Variants in GNPTAB observed in about 807,000 individuals in gnomAD.
The protein encoded by GNPTAB is N-acetylglucosamine-1-phosphate transferase subunits alpha and beta.
Under a neutral mutation model 136.6 loss-of-function variants are expected in GNPTAB, and 92 were observed. The observed-to-expected ratio is 0.67, with a 90% CI of 0.57 to 0.80. The LOEUF (loss-of-function observed/expected upper bound fraction) is 0.80, where lower values mean the gene tolerates loss of function less well. Ranked by LOEUF, GNPTAB falls within the 30% of genes least tolerant of loss-of-function variation. The pLI, the probability that GNPTAB is intolerant of heterozygous loss-of-function variation, is 0.00. For missense variants in GNPTAB, 1,343 were observed against 1,501.8 expected (o/e 0.89, Z 1.75); for synonymous variants, 512 against 535.1 (o/e 0.96, Z 0.60).
intron 9 of GNPTAB, 88 bp from the exon 10 acceptor site, chr12:101,770,279 G>A: frequency 6.9e-7 from 1 of 1,446,390 alleles, no homozygotes; most frequent in Non-Finnish European, 9.7e-7. Context: ...GGAAGGCAAT[G>A]AAGAGCTAGA....
rs555100867 is a variant in GNPTAB, at chr12:101,781,653, T to A, written c.572-1032A>T. Among the ~76,000 whole-genome samples, 3 of 152,158 alleles carry A rather than the reference T, an allele frequency of 2.0e-5. No homozygotes were observed. The East Asian group carries it at 5.8e-4, about 29-fold the overall frequency. ...GAGCCATGATCATGCCACTGCACTC[T>A]AGCCTGGGTGACAGAGTGAGGCCTG... is the stretch of plus-strand genomic sequence containing the variant. On this transcript the variant is annotated intron_variant, in intron 5 of 20. Transcript: ENST00000299314.
At chr12:101,765,352 T>C (rs781070706) in intron 12 of GNPTAB, 48 bp from the exon 13 acceptor site, 13 of 1,196,772 alleles carry the variant, frequency 1.1e-5, no homozygotes, top group Middle Eastern at 1.9e-4. Flanking sequence ...TGGGCATTTT[T>C]CCTCTGTTTT....
chr12:101,817,107 C>T (rs755346038), intron 1 of GNPTAB, among the ~76,000 whole-genome samples: 13 of 151,956 alleles, frequency 8.6e-5, no homozygotes, highest in Middle Eastern at 3.4e-3. Context: ...GTTAGATAGT[C>T]CTGGTGTTCG....
At chr12:101,759,400 G>A (rs1012727285) in intron 16 of GNPTAB, among the ~76,000 whole-genome samples, 25 of 100,608 alleles carry the variant, frequency 2.5e-4, no homozygotes, top group Admixed American at 4.8e-4. Context: ...TTGTGAAAAA[G>A]AGCCCTGAAA....
At chr12:101,807,986 A>G (rs1177467014) in intron 1 of GNPTAB, among the ~76,000 whole-genome samples, 2 of 152,212 alleles carry the variant, frequency 1.3e-5, no homozygotes, top group Admixed American at 6.5e-5. Flanking sequence ...TAAAATACAC[A>G]ATACAATTTA....
intron 1 of GNPTAB, among the ~76,000 whole-genome samples, chr12:101,808,485 T>C (rs766744975): frequency 4.6e-5 from 7 of 151,668 alleles, no homozygotes; most frequent in Non-Finnish European, 1.0e-4. Context: ...GAGGCTATAG[T>C]GAGTCGTGTT....
In GNPTAB at chr12:101,798,538, T is replaced by C. The variant is rs1439119107; in HGVS notation, c.118-1776A>G. ...ATCCAGAACTTACACAAATCTATTA[T>C]ATTATAAAAAGTTAAAATGTATCAA... On this transcript the variant is annotated intron_variant, in intron 1 of 20. Coordinates refer to ENST00000299314, the MANE Select transcript of GNPTAB (RefSeq NM_024312.5). Among the ~76,000 whole-genome samples the C allele has an allele frequency of 2.0e-5, 3 of 152,216 alleles. 1 individual carries two copies. The highest frequency in any genetic ancestry group is 4.4e-5 in the Non-Finnish European group (3 of 68,046).
intron 19 of GNPTAB, 106 bp from the exon 20 acceptor site, chr12:101,749,297 CA>C: frequency 1.3e-6 from 1 of 762,592 alleles, no homozygotes; most frequent in South Asian, 1.5e-5. Flanking sequence ...TTGGGAAACA[CA>C]AAAACATTGT....
Position 101,764,897 on chromosome 12 carries a change from G to T in GNPTAB, c.2020C>A (p.Arg674Ser). 4.3e-6 allele frequency: 7 copies of T among 1,614,110 alleles called. No homozygotes were observed. Among genetic ancestry groups the T allele is most frequent in the Non-Finnish European group, 3.4e-6 (4 of 1,180,020 alleles). ...TCATGTCTCTTAAACTTCGGGAAGC[G>T]TTTTTCTTTGGGAATATCCTCAAAA... is the stretch of plus-strand genomic sequence containing the variant. ...ILFEDIPKEK[R>S]FPKFKRHDVN... Residue 674 changes from arginine to serine, a missense_variant, in exon 13 of 21, where the codon CGC (arginine) becomes AGC (serine). By Grantham distance (110) the Arg-to-Ser change is moderately radical. Transcript: ENST00000299314.
At chr12:101,828,179 G>A (rs552112057) in intron 1 of GNPTAB, among the ~76,000 whole-genome samples, 3 of 152,158 alleles carry the variant, frequency 2.0e-5, no homozygotes, top group Non-Finnish European at 4.4e-5. Flanking sequence ...CATTTAATGA[G>A]GGTCTGTTAT....
At position 101,764,315 on chromosome 12, in the gene GNPTAB, T is replaced by G. The variant is rs750143875; in HGVS notation, c.2602A>C (p.Asn868His). The change falls in exon 13 of 21, where the codon AAT becomes CAT. Residue 868 changes from asparagine to histidine, a missense_variant. By Grantham distance (68) the Asn-to-His change is moderately conservative. Coordinates refer to ENST00000299314, the MANE Select transcript of GNPTAB (RefSeq NM_024312.5). ...AACACTTCAGTAACGCCTATGTGAT[T>G]TTCAGCATTTTCCTCCATTCTACTG... is the stretch of plus-strand genomic sequence containing the variant. ...ENSRMEENAE[N>H]HIGVTEVLLG... The G allele has an allele frequency of 1.2e-6, 2 of 1,614,032 alleles. No homozygotes were observed. The highest frequency in any genetic ancestry group is 1.7e-5 in the Admixed American group (1 of 59,978).
intron 1 of GNPTAB, among the ~76,000 whole-genome samples, chr12:101,817,777 T>C (rs768489547): frequency 3.0e-4 from 46 of 152,094 alleles, no homozygotes; most frequent in Middle Eastern, 3.2e-3. Flanking sequence ...CTGGGGAACA[T>C]AGCGAGATCC....
rs1392208143 is a variant in GNPTAB at position 101,764,610 on chromosome 12, C to T, written c.2307G>A (p.Gln769=). 1 of 1,613,880 alleles carries T rather than the reference C, an allele frequency of 6.2e-7. No individual in the cohort carries two copies. Among genetic ancestry groups the T allele is most frequent in the African/African-American group, 1.3e-5 (1 of 74,918 alleles). Residue 769 remains glutamine (Q), a synonymous_variant, in exon 13 of 21, where the codon CAG becomes CAA. Coordinates refer to ENST00000299314, the MANE Select transcript of GNPTAB (RefSeq NM_024312.5). Reference sequence around the variant, plus strand: ...TGTTTGGCAAGATGCTTTTATGAACCTGTTTTTCCTGTGGAGCCACCAAAC... The same window carrying T: ...TGTTTGGCAAGATGCTTTTATGAACTTGTTTTTCCTGTGGAGCCACCAAAC... The part of the protein sequence containing the change: ...NDSLVAPQEK[Q]VHKSILPNSL...
intron 18 of GNPTAB, chr12:101,756,865 A>T (rs908379790): frequency 4.8e-6 from 1 of 207,584 alleles, no homozygotes; most frequent in Non-Finnish European, 9.7e-6. Flanking sequence ...CCATCTAAAC[A>T]ACTGTTCTGG....
At chr12:101,806,349 T>C (rs977756256) in intron 1 of GNPTAB, among the ~76,000 whole-genome samples, 2 of 152,002 alleles carry the variant, frequency 1.3e-5, no homozygotes, top group Non-Finnish European at 2.9e-5. Context: ...ATATAAAATA[T>C]CTAGAACAGG....
At position 101,777,849 on chromosome 12, in the gene GNPTAB, C is replaced by G. The variant is rs559684186; in HGVS notation, c.771+2303G>C. Among the ~76,000 whole-genome samples, 3 of 152,284 alleles carry G rather than the reference C, an allele frequency of 2.0e-5. No homozygotes were observed. In the East Asian group the frequency reaches 5.8e-4, roughly 29 times the overall value. ...TCCTCTTTCTCATTTTCTCTCTAGT[C>G]TCTAAAAATCTTAAGTCCTAGTCCC... On this transcript the variant is annotated intron_variant, in intron 7 of 20. Transcript: ENST00000299314.
At chr12:101,794,916 A>G (rs1452490970) in intron 2 of GNPTAB, among the ~76,000 whole-genome samples, 2 of 152,270 alleles carry the variant, frequency 1.3e-5, no homozygotes, top group East Asian at 3.9e-4. Context: ...ATAAATAATT[A>G]ATTAATTTTT....
At chr12:101,753,339 A>G (rs772971284) in intron 19 of GNPTAB, 33 bp downstream of exon 19, 4 of 1,516,508 alleles carry the variant, frequency 2.6e-6, no homozygotes, top group Non-Finnish European at 3.7e-6. Flanking sequence ...ACACTCACCC[A>G]CACACATGCA....
intron 16 of GNPTAB, 92 bp downstream of exon 16, chr12:101,759,938 G>T: frequency 1.2e-6 from 1 of 800,338 alleles, no homozygotes; most frequent in Admixed American, 1.7e-5. Context: ...AGAGCCTGCT[G>T]CTAGTTCTGA....
Sources: gnomAD v4.1 joint callset for allele counts (sites outside exome capture counted in the v4.1 genomes callset) on GRCh38, gnomAD v4.1.1 for gene constraint, MANE v1.5 for transcripts, NCBI Gene and HGNC (gene_info 2026-07-23, HGNC 2026-07-21) for gene names.